GPC5: variants seen among roughly 807,000 people sequenced by gnomAD.
GPC5 encodes the protein glypican 5.
In GPC5, 47 loss-of-function variants were observed where a neutral mutation model predicts 53.9. The observed-to-expected ratio is 0.87, with a 90% confidence interval of 0.69 to 1.11. The LOEUF is 1.11. Ranked by LOEUF, GPC5 falls within the 50% of genes most tolerant of loss-of-function variation. GPC5 has a pLI of 0.00. For synonymous variants in GPC5, 286 were observed against 263.3 expected, an observed-to-expected ratio of 1.09 and a Z score of -0.84; for missense variants, 748 against 713.1, an observed-to-expected ratio of 1.05 and a Z score of -0.56.
At chr13:92,831,343 ATT>A (rs1177088019) in intron 7 of GPC5, among the ~76,000 whole-genome samples, 1 of 152,160 alleles carries the variant, frequency 6.6e-6, no homozygotes, top group Non-Finnish European at 1.5e-5. Flanking sequence ...CATGTATCAT[ATT>A]GAGATTATTT....
At chr13:91,879,733 T>C (rs1483419797) in intron 5 of GPC5, among the ~76,000 whole-genome samples, 1 of 152,188 alleles carries the variant, frequency 6.6e-6, no homozygotes, top group Non-Finnish European at 1.5e-5. Context: ...ATAAACACTA[T>C]GTCTGTAGCA....
intron 7 of GPC5, among the ~76,000 whole-genome samples, chr13:92,199,636 A>G (rs1256755011): frequency 6.6e-6 from 1 of 152,042 alleles, no homozygotes; most frequent in Non-Finnish European, 1.5e-5. Context: ...GCTATTTTAT[A>G]GGCAAATATT....
Position 92,286,779 on chromosome 13 carries a change from A to G in GPC5, c.1561+141790A>G, listed in dbSNP as rs140534466. On this transcript the variant is annotated intron_variant, in intron 7 of 7. Transcript: ENST00000377067. The stretch of plus-strand genomic sequence containing the variant: ...AGGGATAGCAGTAGGAGAGATACCT[A>G]ATGTAAATGATGAGTTAATGGGTGC... Among the ~76,000 whole-genome samples the G allele has an allele frequency of 5.1e-3, 770 of 152,054 alleles. 6 individuals carry two copies. Among genetic ancestry groups the G allele is most frequent in the African/African-American group, 0.018 (738 of 41,426 alleles).
chr13:91,645,815 G>T (rs899109758), intron 2 of GPC5, among the ~76,000 whole-genome samples: 4 of 152,128 alleles, frequency 2.6e-5, no homozygotes, highest in Non-Finnish European at 5.9e-5. Flanking sequence ...AGACTTCTGG[G>T]TCAGAGACTC....
chr13:92,452,319 G>T (rs895289661), intron 7 of GPC5, among the ~76,000 whole-genome samples: 1 of 152,086 alleles, frequency 6.6e-6, no homozygotes, highest in Non-Finnish European at 1.5e-5. Flanking sequence ...TATTGTTGGT[G>T]AAGTCACTTT....
intron 7 of GPC5, among the ~76,000 whole-genome samples, chr13:92,411,426 TTTA>T (rs1289332251): frequency 6.6e-6 from 1 of 152,204 alleles, no homozygotes; most frequent in Non-Finnish European, 1.5e-5. Flanking sequence ...ACACTTGTAT[TTTA>T]TTATATTTTC....
chr13:91,705,868 T>G (rs957359422), intron 3 of GPC5, among the ~76,000 whole-genome samples: 2 of 150,338 alleles, frequency 1.3e-5, no homozygotes, highest in Non-Finnish European at 2.9e-5. Context: ...TTTTTTCTTT[T>G]TTTTTCTTTC....
chr13:91,423,158 A>C (rs1336012929), intron 1 of GPC5, among the ~76,000 whole-genome samples: 3 of 152,218 alleles, frequency 2.0e-5, no homozygotes, highest in Admixed American at 6.5e-5. Flanking sequence ...GGTAGGCTAA[A>C]TATAAAAACT....
chr13:91,572,206 T>TAC lies in GPC5; in HGVS notation c.326-120980_326-120979insCA, dbSNP rs1281783776. On this transcript the variant is annotated intron_variant, in intron 2 of 7. Transcript: ENST00000377067. Reference sequence around the variant, plus strand: ...GTGTGTATACACACACATATGTATATATACGTGTATATATATACACATATG... The same window carrying TAC: ...GTGTGTATACACACACATATGTATATACATACGTGTATATATATACACATATG... Among the ~76,000 whole-genome samples the TAC allele has an allele frequency of 2.3e-5, 3 of 130,534 alleles. 1 individual carries two copies. Among genetic ancestry groups the TAC allele is most frequent in the East Asian group, 2.0e-4 (1 of 4,888 alleles). 85.6% of individuals were successfully genotyped at this position (130,534 alleles called of 152,430 possible).
At chr13:91,529,991 T>C (rs1353410043) in intron 2 of GPC5, among the ~76,000 whole-genome samples, 2 of 152,120 alleles carry the variant, frequency 1.3e-5, no homozygotes, top group East Asian at 1.9e-4. Flanking sequence ...TGACATATCA[T>C]AGGAAGCTAA....
Position 91,508,500 on chromosome 13 carries a change from T to C in GPC5, c.325+59578T>C, listed in dbSNP as rs1395534642. 3.3e-5 allele frequency among the ~76,000 whole-genome samples: 5 copies of C among 152,166 alleles called. No individual in the cohort carries two copies. The East Asian group carries it at 9.6e-4, about 29-fold the overall frequency. The stretch of plus-strand genomic sequence containing the variant: ...TATTTAGTTCATTAAATGAGTTTTG[T>C]TGGTACACTGACAGGCAAAATAGAT... On this transcript the variant is annotated intron_variant, in intron 2 of 7. Coordinates refer to ENST00000377067, the MANE Select transcript of GPC5 (RefSeq NM_004466.6).
chr13:91,949,665 A>G (rs1484262966), intron 6 of GPC5, among the ~76,000 whole-genome samples: 13 of 152,210 alleles, frequency 8.5e-5, no homozygotes, highest in African/African-American at 3.1e-4. Flanking sequence ...TAGCCATTTA[A>G]TCTACTAAAT....
At chr13:92,454,115 A>G (rs1435422894) in intron 7 of GPC5, among the ~76,000 whole-genome samples, 1 of 152,222 alleles carries the variant, frequency 6.6e-6, no homozygotes, top group Non-Finnish European at 1.5e-5. Context: ...TATAAACCAT[A>G]TTCATCAGGC....
chr13:92,206,726 A>G (rs2042340598), intron 7 of GPC5, among the ~76,000 whole-genome samples: 1 of 152,210 alleles, frequency 6.6e-6, no homozygotes, highest in African/African-American at 2.4e-5. Context: ...GTTACAACAT[A>G]CCATAGTATG....
At chr13:92,059,523 T>A (rs7992175) in intron 6 of GPC5, among the ~76,000 whole-genome samples, 2,737 of 152,094 alleles carry the variant, frequency 0.018, 95 homozygotes, top group African/African-American at 0.063. Context: ...AAATAGAATA[T>A]ACTAGATATG....
chr13:91,520,695 T>C (rs976549031), intron 2 of GPC5, among the ~76,000 whole-genome samples: 1 of 151,490 alleles, frequency 6.6e-6, no homozygotes, highest in Non-Finnish European at 1.5e-5. Flanking sequence ...TGTGTGTATA[T>C]ATGTATATAT....
chr13:92,667,766 T>A (rs1255638239), intron 7 of GPC5, among the ~76,000 whole-genome samples: 2 of 152,214 alleles, frequency 1.3e-5, no homozygotes, highest in African/African-American at 4.8e-5. Context: ...TTACATTTTT[T>A]AAAAATTATA....
intron 7 of GPC5, among the ~76,000 whole-genome samples, chr13:92,591,810 C>T (rs1266841958): frequency 6.6e-6 from 1 of 152,112 alleles, no homozygotes; most frequent in African/African-American, 2.4e-5. Context: ...ATGAGATCAA[C>T]TTTTTCAGAT....
At chr13:91,827,612 G>C (rs1042281666) in intron 5 of GPC5, among the ~76,000 whole-genome samples, 1 of 152,012 alleles carries the variant, frequency 6.6e-6, no homozygotes. Flanking sequence ...CCCTAGCTCA[G>C]TTATTAGTTA....
Sources: gnomAD v4.1 joint callset for allele counts (sites outside exome capture counted in the v4.1 genomes callset) on GRCh38, gnomAD v4.1.1 for gene constraint, MANE v1.5 for transcripts, NCBI Gene and HGNC (gene_info 2026-07-23, HGNC 2026-07-21) for gene names.